Variants in KIF16B observed in about 807,000 individuals in gnomAD.
KIF16B encodes kinesin-like protein KIF16B.
KIF16B carries 98 observed loss-of-function variants against 156.3 expected under a neutral mutation model. The observed-to-expected ratio is 0.63, with a 90% CI of 0.53 to 0.74. The LOEUF (loss-of-function observed/expected upper bound fraction) is 0.74. Among genes scored for constraint, KIF16B ranks in the 30% least tolerant of loss-of-function variants. KIF16B has a pLI of 0.00. For synonymous variants in KIF16B, 564 were observed against 583.7 expected (o/e 0.97, Z 0.49); for missense variants, 1,421 against 1,606.5 (o/e 0.88, Z 1.97).
At chr20:16,386,991 A>T (rs1312285255) in intron 17 of KIF16B, among the ~76,000 whole-genome samples, 1 of 152,124 alleles carries the variant, frequency 6.6e-6, no homozygotes, top group Non-Finnish European at 1.5e-5. Context: ...GAAAGGCAAA[A>T]GGGGAGTTTT....
rs557490936 is a variant in KIF16B, at chr20:16,515,655, T to C, written c.241A>G (p.Thr81Ala). 41 of 1,606,038 alleles carry C rather than the reference T, an allele frequency of 2.6e-5. 1 individual carries two copies. In the South Asian group the frequency reaches 4.3e-4, roughly 17 times the overall value. Residue 81 changes from threonine to alanine, a missense_variant, in exon 4 of 26, where the codon ACC (threonine) becomes GCC (alanine). Transcript: ENST00000354981. The stretch of plus-strand genomic sequence containing the variant: ...GACTTCACGACATCTGTGCCGAGGG[T>C]TTTGAAAACCTGAAAGCCAAAAAGA... The part of the protein sequence containing the change: ...DYVSQEMVFK[T>A]LGTDVVKSAF...
intron 1 of KIF16B, among the ~76,000 whole-genome samples, chr20:16,538,153 T>G (rs1215803825): frequency 6.6e-6 from 1 of 152,082 alleles, no homozygotes; most frequent in Non-Finnish European, 1.5e-5. Flanking sequence ...CTCCAATTAG[T>G]CCAGAGAACC....
chr20:16,465,553 T>C (rs888118806), intron 12 of KIF16B, among the ~76,000 whole-genome samples: 8 of 152,214 alleles, frequency 5.3e-5, no homozygotes, highest in African/African-American at 1.9e-4. Flanking sequence ...CCTACATAAA[T>C]ACACACATAT....
At chr20:16,412,532 C>A (rs1011113330) in intron 15 of KIF16B, among the ~76,000 whole-genome samples, 1 of 152,100 alleles carries the variant, frequency 6.6e-6, no homozygotes, top group African/African-American at 2.4e-5. Context: ...GCTGAAGAGA[C>A]CTCAGAAAAC....
chr20:16,453,521 A>G (rs961868468), intron 12 of KIF16B, among the ~76,000 whole-genome samples: 2 of 152,186 alleles, frequency 1.3e-5, no homozygotes, highest in Non-Finnish European at 2.9e-5. Flanking sequence ...TAAAATGGAT[A>G]GACAAATAAA....
intron 12 of KIF16B, among the ~76,000 whole-genome samples, chr20:16,486,685 A>T (rs188568923): frequency 6.6e-6 from 1 of 152,046 alleles, no homozygotes; most frequent in Admixed American, 6.5e-5. Flanking sequence ...ACACTTGGAA[A>T]CTCAATATAT....
At chr20:16,444,708 T>C (rs891878169) in intron 12 of KIF16B, among the ~76,000 whole-genome samples, 31 of 152,226 alleles carry the variant, frequency 2.0e-4, no homozygotes, top group Admixed American at 2.0e-4. Flanking sequence ...TCTACTTTAA[T>C]GTATGTAACC....
chr20:16,315,788 C>A (rs6080221), intron 24 of KIF16B, among the ~76,000 whole-genome samples: 22,155 of 152,050 alleles, frequency 0.15, 1,715 homozygotes, highest in Admixed American at 0.16. Context: ...GCTATCCTTA[C>A]AATAAAGTAC....
intron 25 of KIF16B, among the ~76,000 whole-genome samples, chr20:16,289,919 T>C (rs2063288771): frequency 6.6e-6 from 1 of 152,166 alleles, no homozygotes; most frequent in Admixed American, 6.5e-5. Context: ...CATTTAAAAA[T>C]AAACTGAAAA....
intron 15 of KIF16B, among the ~76,000 whole-genome samples, chr20:16,419,468 T>C (rs2066171692): frequency 6.6e-6 from 1 of 152,258 alleles, no homozygotes; most frequent in South Asian, 2.1e-4. Context: ...CAGATGAAAA[T>C]TTTATCAAAG....
chr20:16,363,208 G>C (rs1321400031), intron 22 of KIF16B, among the ~76,000 whole-genome samples: 1 of 152,194 alleles, frequency 6.6e-6, no homozygotes, highest in African/African-American at 2.4e-5. Context: ...CGGATGAACA[G>C]ACTCTGCAGA....
chr20:16,401,257 C>T (rs775748180), intron 17 of KIF16B, among the ~76,000 whole-genome samples: 6 of 152,222 alleles, frequency 3.9e-5, no homozygotes, highest in Admixed American at 6.5e-5. Flanking sequence ...TTGCTTCTCC[C>T]GAATTCTCTG....
chr20:16,414,149 C>T (rs1437383501), intron 15 of KIF16B, among the ~76,000 whole-genome samples: 1 of 151,984 alleles, frequency 6.6e-6, no homozygotes, highest in Non-Finnish European at 1.5e-5. Flanking sequence ...TTATTTCAAA[C>T]ACGAGAATTA....
intron 12 of KIF16B, among the ~76,000 whole-genome samples, chr20:16,457,936 A>G (rs375292528): frequency 1.3e-5 from 2 of 152,326 alleles, no homozygotes; most frequent in Admixed American, 6.5e-5. Flanking sequence ...CTTGCATTAC[A>G]TAAGTAAAGC....
chr20:16,450,622 C>T (rs931470597), intron 12 of KIF16B, among the ~76,000 whole-genome samples: 6 of 152,192 alleles, frequency 3.9e-5, no homozygotes, highest in African/African-American at 7.2e-5. Context: ...TGTATTGTCA[C>T]GACGTGCTGT....
intron 23 of KIF16B, among the ~76,000 whole-genome samples, chr20:16,336,991 G>A (rs11905881): frequency 0.02 from 2,991 of 152,252 alleles, 104 homozygotes; most frequent in African/African-American, 0.068. Flanking sequence ...ACTGAAAACA[G>A]ATCTTTTAGA....
chr20:16,554,436 C>T (rs112099490), intron 1 of KIF16B, among the ~76,000 whole-genome samples: 2,848 of 152,236 alleles, frequency 0.019, 84 homozygotes, highest in African/African-American at 0.065. Context: ...CTCTGCTGAG[C>T]GCTGAACGCT....
intron 17 of KIF16B, chr20:16,381,990 A>T: frequency 2.1e-6 from 2 of 931,746 alleles, no homozygotes; most frequent in Non-Finnish European, 3.1e-6. Flanking sequence ...GGAAAACAAA[A>T]CAAAAACTGT....
intron 1 of KIF16B, among the ~76,000 whole-genome samples, chr20:16,564,306 T>C (rs1287845108): frequency 1.3e-5 from 2 of 152,226 alleles, no homozygotes; most frequent in East Asian, 3.9e-4. Flanking sequence ...GGTGTATATG[T>C]GCCACATTTT....
Sources: allele counts gnomAD v4.1 joint callset (sites outside exome capture counted in the v4.1 genomes callset), GRCh38; gene constraint gnomAD v4.1.1; transcripts MANE v1.5; gene names NCBI Gene and HGNC (gene_info 2026-07-23, HGNC 2026-07-21).